The following PRKN variants were observed in gnomAD, a reference collection of about 807,000 sequenced individuals.
PRKN encodes parkin RBR E3 ubiquitin protein ligase, also known as E3 ubiquitin-protein ligase parkin.
PRKN carries 56 observed loss-of-function variants against 59.5 expected under a neutral mutation model. That is an observed-to-expected ratio of 0.94 (90% CI 0.76 to 1.18). The LOEUF is 1.18. Ranked by LOEUF, PRKN falls within the 50% of genes most tolerant of loss-of-function variation. The probability of loss-of-function intolerance (pLI) is 0.00; values close to 1 mark genes in which losing one functional copy is unlikely to be tolerated. For missense variants in PRKN, 657 were observed against 596.4 expected (o/e 1.10, Z -1.06); for synonymous variants, 250 against 222.1 (o/e 1.13, Z -1.12).
intron 7 of PRKN, among the ~76,000 whole-genome samples, chr6:161,649,008 T>C (rs1784057803): frequency 2.0e-5 from 3 of 152,230 alleles, no homozygotes; most frequent in Non-Finnish European, 2.9e-5. Flanking sequence ...ATATTAGCCA[T>C]CTGTGAGTTT....
chr6:162,237,697 G>A (rs540931772), intron 3 of PRKN, among the ~76,000 whole-genome samples: 5 of 152,156 alleles, frequency 3.3e-5, no homozygotes, highest in African/African-American at 1.2e-4. Flanking sequence ...TCACCAAAAG[G>A]ATTCAAAAAG....
At chr6:161,700,871 C>A (rs571436048) in intron 7 of PRKN, among the ~76,000 whole-genome samples, 1 of 152,190 alleles carries the variant, frequency 6.6e-6, no homozygotes, top group East Asian at 1.9e-4. Flanking sequence ...AATTTGGGAC[C>A]CCCAAAAGGA....
chr6:162,060,798 ATTTACAGTT>A (rs1778071766), intron 4 of PRKN, among the ~76,000 whole-genome samples: 2 of 152,220 alleles, frequency 1.3e-5, no homozygotes, highest in Non-Finnish European at 2.9e-5. Context: ...AAACCATGGC[ATTTACAGTT>A]TTTGAAAAAT....
intron 2 of PRKN, among the ~76,000 whole-genome samples, chr6:162,380,507 G>A (rs1299052763): frequency 5.7e-5 from 2 of 34,846 alleles, no homozygotes; most frequent in African/African-American, 1.2e-4. Context: ...ATATATATGT[G>A]TGTATATATA....
chr6:162,024,323 G>A (rs904764215), intron 5 of PRKN, among the ~76,000 whole-genome samples: 1 of 147,744 alleles, frequency 6.8e-6, no homozygotes, highest in African/African-American at 2.5e-5. Flanking sequence ...TCAGCCCCCA[G>A]GTAGCTGGGG....
chr6:162,416,508 T>G (rs1390004033), intron 2 of PRKN, among the ~76,000 whole-genome samples: 2 of 152,208 alleles, frequency 1.3e-5, no homozygotes, highest in Non-Finnish European at 2.9e-5. Context: ...AGTTGCTGAG[T>G]AAGTATATTT....
At chr6:161,638,203 G>C (rs992716243) in intron 7 of PRKN, among the ~76,000 whole-genome samples, 2 of 151,868 alleles carry the variant, frequency 1.3e-5, no homozygotes, top group African/African-American at 4.8e-5. Context: ...CACGATCTCA[G>C]CTCACTGCAA....
At chr6:161,596,592 C>T (rs1002612289) in intron 7 of PRKN, among the ~76,000 whole-genome samples, 5 of 152,072 alleles carry the variant, frequency 3.3e-5, no homozygotes, top group African/African-American at 4.8e-5. Flanking sequence ...CCAGCGATAT[C>T]GACAAGAAAC....
chr6:161,740,490 C>T (rs1442901640), intron 7 of PRKN, among the ~76,000 whole-genome samples: 1 of 152,224 alleles, frequency 6.6e-6, no homozygotes, highest in Non-Finnish European at 1.5e-5. Context: ...ATCACTTGAT[C>T]CAGACAGATA....
At chr6:162,063,092 T>C (rs990567365) in intron 4 of PRKN, among the ~76,000 whole-genome samples, 2 of 152,152 alleles carry the variant, frequency 1.3e-5, no homozygotes, top group African/African-American at 4.8e-5. Flanking sequence ...CACAGAAGGC[T>C]CTAATCCCAC....
chr6:162,406,703 A>T (rs530697002), intron 2 of PRKN, among the ~76,000 whole-genome samples: 1 of 152,278 alleles, frequency 6.6e-6, no homozygotes, highest in Admixed American at 6.5e-5. Context: ...ATAGGAGCGC[A>T]CTATCCACCA....
At chr6:162,439,271 T>C (rs547705256) in intron 2 of PRKN, among the ~76,000 whole-genome samples, 6 of 151,962 alleles carry the variant, frequency 3.9e-5, no homozygotes, top group Non-Finnish European at 7.4e-5. Flanking sequence ...AAACAGGCCA[T>C]TGTTGGGGAT....
At chr6:162,566,731 C>T (rs1313399014) in intron 1 of PRKN, among the ~76,000 whole-genome samples, 3 of 152,172 alleles carry the variant, frequency 2.0e-5, no homozygotes, top group African/African-American at 7.2e-5. Context: ...ACCAACCCTA[C>T]TCAAACTATT....
intron 4 of PRKN, among the ~76,000 whole-genome samples, chr6:162,168,040 C>A (rs1276553499): frequency 6.6e-6 from 1 of 151,984 alleles, no homozygotes; most frequent in Admixed American, 6.6e-5. Flanking sequence ...ACTTTGAAGA[C>A]AAAATTGCTC....
chr6:162,356,678 C>A (rs1784874758), intron 2 of PRKN, among the ~76,000 whole-genome samples: 1 of 124,100 alleles, frequency 8.1e-6, no homozygotes, highest in Non-Finnish European at 1.6e-5. Context: ...TGAAGGAGAA[C>A]AAATATCATT....
chr6:161,580,612 G>T (rs1037271875), intron 7 of PRKN, among the ~76,000 whole-genome samples: 1 of 151,772 alleles, frequency 6.6e-6, no homozygotes, highest in African/African-American at 2.4e-5. Context: ...CAGTAGCTAG[G>T]ACTACAGGCG....
At chr6:161,887,655 A>G (rs1329689871) in intron 6 of PRKN, among the ~76,000 whole-genome samples, 3 of 152,138 alleles carry the variant, frequency 2.0e-5, no homozygotes, top group Non-Finnish European at 4.4e-5. Flanking sequence ...CTCTGAAAAC[A>G]TTTTCCAGCA....
chr6:162,696,342 G>A (rs1003483127), intron 1 of PRKN, among the ~76,000 whole-genome samples: 1 of 152,064 alleles, frequency 6.6e-6, no homozygotes, highest in African/African-American at 2.4e-5. Flanking sequence ...AAGAAAGGAG[G>A]AAGGGAAGGA....
rs539587132 is a variant in PRKN, at chr6:162,518,640, T to G, written c.8-75167A>C. ...CCTTGGGATACCAAACTGCTGAGAC[T>G]GCAGGAGGGAGCCACAATACCCGGC... On this transcript the variant is annotated intron_variant, in intron 1 of 11. Transcript: ENST00000366898. Among the ~76,000 whole-genome samples the G allele has an allele frequency of 3.3e-5, 5 of 152,322 alleles. No homozygotes were observed. The South Asian group carries it at 1.0e-3, about 32-fold the overall frequency.
Sources: allele counts gnomAD v4.1 joint callset (sites outside exome capture counted in the v4.1 genomes callset), GRCh38; gene constraint gnomAD v4.1.1; transcripts MANE v1.5; gene names NCBI Gene and HGNC (gene_info 2026-07-23, HGNC 2026-07-21).